Variants in TAF3 observed in about 807,000 individuals in gnomAD.
TAF3 encodes transcription initiation factor TFIID subunit 3.
A neutral mutation model predicts 80.6 loss-of-function variants in TAF3; 7 were observed. That is an observed-to-expected ratio of 0.09 (90% CI 0.05 to 0.16). The LOEUF (loss-of-function observed/expected upper bound fraction) is 0.16, where lower values mean the gene tolerates loss of function less well. TAF3 is among the 10% of genes least tolerant of loss of function. The pLI, the probability that TAF3 is intolerant of heterozygous loss-of-function variation, is 1.00. For synonymous variants in TAF3, 444 were observed against 446.1 expected, an observed-to-expected ratio of 1.00 and a Z score of 0.06; for missense variants, 921 against 1,140.2, an observed-to-expected ratio of 0.81 and a Z score of 2.77.
chr10:7,956,412 G>A (rs1055832961), intron 2 of TAF3, among the ~76,000 whole-genome samples: 2 of 152,188 alleles, frequency 1.3e-5, no homozygotes, highest in East Asian at 1.9e-4. Context: ...GCTTGACCCC[G>A]GGAGGTGGAG....
intron 4 of TAF3, among the ~76,000 whole-genome samples, chr10:8,008,428 C>G (rs1433821459): frequency 6.6e-6 from 1 of 152,102 alleles, no homozygotes; most frequent in Non-Finnish European, 1.5e-5. Context: ...ACCTGGCAAT[C>G]AAAGCCAAAC....
intron 2 of TAF3, among the ~76,000 whole-genome samples, chr10:7,873,646 G>A (rs558599136): frequency 6.7e-5 from 10 of 150,054 alleles, no homozygotes; most frequent in Admixed American, 2.0e-4. Context: ...AGGGGGTGTC[G>A]AATTTGAGGG....
chr10:7,907,424 T>C (rs913163433), intron 2 of TAF3, among the ~76,000 whole-genome samples: 3 of 152,248 alleles, frequency 2.0e-5, no homozygotes, highest in African/African-American at 7.2e-5. Flanking sequence ...TAATTTATAT[T>C]AGAAAAATAC....
intron 2 of TAF3, among the ~76,000 whole-genome samples, chr10:7,854,814 G>A (rs1782688): frequency 0.18 from 27,285 of 152,086 alleles, 2,527 homozygotes; most frequent in South Asian, 0.26. Context: ...ACAGTAGCAT[G>A]GAAGCCATTT....
At chr10:7,980,704 T>C (rs1044962874) in intron 4 of TAF3, among the ~76,000 whole-genome samples, 3 of 152,252 alleles carry the variant, frequency 2.0e-5, no homozygotes, top group Non-Finnish European at 4.4e-5. Context: ...CTTGCCTTGA[T>C]GCTGGGATAG....
chr10:7,871,431 G>T (rs1343597970), intron 2 of TAF3, among the ~76,000 whole-genome samples: 2 of 80,310 alleles, frequency 2.5e-5, no homozygotes, highest in Non-Finnish European at 5.3e-5. Flanking sequence ...ACAAATAACT[G>T]CTGCTTTTTT....
rs763069867 is a variant in TAF3, at chr10:7,965,497, C to T, written c.1987C>T (p.Leu663=). 2 of 1,606,090 alleles carry T rather than the reference C, an allele frequency of 1.2e-6. No individual in the cohort carries two copies. Among genetic ancestry groups the T allele is most frequent in the African/African-American group, 2.7e-5 (2 of 74,228 alleles). Residue 663 remains leucine (L), a synonymous_variant, in exon 3 of 7, where the codon CTG becomes TTG. Coordinates refer to ENST00000344293, the MANE Select transcript of TAF3 (RefSeq NM_031923.4). ...PLVLPPKELA[L]PLFSPATASR... ...GGTGTTGCCCCCAAAAGAGTTGGCC[C>T]TGCCCTTGTTCAGCCCTGCCACAGC...
intron 4 of TAF3, among the ~76,000 whole-genome samples, chr10:8,005,313 A>AT (rs763261067): frequency 7.2e-5 from 11 of 152,022 alleles, no homozygotes; most frequent in African/African-American, 1.4e-4. Context: ...TGTGCTGCTT[A>AT]TTTTTTTTAA....
chr10:7,835,185 A>G (rs1053689235), intron 2 of TAF3, among the ~76,000 whole-genome samples: 1 of 152,194 alleles, frequency 6.6e-6, no homozygotes, highest in Non-Finnish European at 1.5e-5. Context: ...CCACACATAA[A>G]ATACACTAAC....
intron 2 of TAF3, among the ~76,000 whole-genome samples, chr10:7,863,840 TATAC>T (rs1480809846): frequency 6.6e-6 from 1 of 151,186 alleles, no homozygotes; most frequent in Non-Finnish European, 1.5e-5. Flanking sequence ...GTGCATCTCT[TATAC>T]ATAATTTATA....
chr10:7,830,843 A>G (rs1029295875), intron 2 of TAF3, among the ~76,000 whole-genome samples: 2 of 152,026 alleles, frequency 1.3e-5, no homozygotes, highest in African/African-American at 4.8e-5. Context: ...CTTACAGTTT[A>G]TTTGTTAGAA....
intron 2 of TAF3, among the ~76,000 whole-genome samples, chr10:7,844,721 C>G (rs1369292366): frequency 1.3e-5 from 2 of 152,084 alleles, no homozygotes; most frequent in Non-Finnish European, 2.9e-5. Context: ...CCATTATGAA[C>G]ATAATATTTA....
At chr10:7,996,177 C>T (rs954553052) in intron 4 of TAF3, among the ~76,000 whole-genome samples, 2 of 152,114 alleles carry the variant, frequency 1.3e-5, no homozygotes, top group African/African-American at 4.8e-5. Flanking sequence ...TTGGGTGGTT[C>T]TGGCTCAGGT....
chr10:7,983,241 C>G (rs1379289246), intron 4 of TAF3, among the ~76,000 whole-genome samples: 1 of 152,196 alleles, frequency 6.6e-6, no homozygotes, highest in Non-Finnish European at 1.5e-5. Context: ...TTCGCTTCAG[C>G]AGCCCCTGTG....
intron 2 of TAF3, among the ~76,000 whole-genome samples, chr10:7,938,729 A>G (rs1837949064): frequency 6.6e-6 from 1 of 152,266 alleles, no homozygotes. Context: ...TTTAGGAGTC[A>G]GCAACATTAA....
At chr10:7,893,176 G>A (rs1022419097) in intron 2 of TAF3, among the ~76,000 whole-genome samples, 7 of 152,102 alleles carry the variant, frequency 4.6e-5, no homozygotes, top group South Asian at 4.2e-4. Context: ...CAGTCTTTGA[G>A]TATTTGGGAT....
At chr10:7,819,137 C>T (rs901345442) in intron 1 of TAF3, among the ~76,000 whole-genome samples, 10 of 152,142 alleles carry the variant, frequency 6.6e-5, no homozygotes, top group Non-Finnish European at 1.5e-4. Flanking sequence ...CCTCCTACCG[C>T]TCCTCCGCTC....
At chr10:7,930,979 C>T (rs1588556127) in intron 2 of TAF3, among the ~76,000 whole-genome samples, 1 of 152,250 alleles carries the variant, frequency 6.6e-6, no homozygotes, top group South Asian at 2.1e-4. Context: ...CTGTGCTGCA[C>T]ACTATAAATA....
At chr10:7,855,721 T>C (rs1837072092) in intron 2 of TAF3, among the ~76,000 whole-genome samples, 1 of 152,032 alleles carries the variant, frequency 6.6e-6, no homozygotes, top group Non-Finnish European at 1.5e-5. Flanking sequence ...ACATCTGATA[T>C]GAAAGGGAGC....
Sources: gnomAD v4.1 joint callset for allele counts (sites outside exome capture counted in the v4.1 genomes callset) on GRCh38, gnomAD v4.1.1 for gene constraint, MANE v1.5 for transcripts, NCBI Gene and HGNC (gene_info 2026-07-23, HGNC 2026-07-21) for gene names.